Variants in CNTN4 observed in about 807,000 individuals in gnomAD.
CNTN4 encodes contactin 4.
CNTN4 carries 77 observed loss-of-function variants against 122.5 expected under a neutral mutation model. The observed-to-expected ratio is 0.63, with a 90% CI of 0.52 to 0.76. The LOEUF (loss-of-function observed/expected upper bound fraction) is 0.76. Among genes scored for constraint, CNTN4 ranks in the 30% least tolerant of loss-of-function variants. The probability of loss-of-function intolerance (pLI) is 0.00; values close to 1 mark genes in which losing one functional copy is unlikely to be tolerated. For missense variants in CNTN4, 1,256 were observed against 1,259.1 expected (o/e 1.00, Z 0.04); for synonymous variants, 512 against 447.0 (o/e 1.15, Z -1.83).
In CNTN4 at chr3:2,826,509, A is replaced by T. The variant is rs1399477992; in HGVS notation, c.454+6928A>T. ...ATGCTGTATTTACTGTAGGACAGAG[A>T]TAAAAGCGTGAAAGTAGGACATCTG... On this transcript the variant is annotated intron_variant, in intron 7 of 24. Transcript: ENST00000418658. 2.6e-5 allele frequency among the ~76,000 whole-genome samples: 4 copies of T among 152,228 alleles called. No individual in the cohort carries two copies. The East Asian group carries it at 5.8e-4, about 22-fold the overall frequency.
Position 2,331,498 on chromosome 3 carries a change from A to G in CNTN4, c.-144-7680A>G, listed in dbSNP as rs556568119. On this transcript the variant is annotated intron_variant, in intron 2 of 24. Transcript: ENST00000418658. ...GATTATGACAACCAAAAATGTCTTC[A>G]GACTTTGCCAACAAATTACCTTTAG... Among the ~76,000 whole-genome samples the G allele has an allele frequency of 2.6e-5, 4 of 152,306 alleles. No homozygotes were observed. In the South Asian group the frequency reaches 8.3e-4, roughly 32 times the overall value.
chr3:2,502,150 T>A (rs1295179613), intron 3 of CNTN4, among the ~76,000 whole-genome samples: 1 of 152,160 alleles, frequency 6.6e-6, no homozygotes, highest in East Asian at 1.9e-4. Context: ...ACTCAATGTA[T>A]AATATATTCA....
chr3:2,387,183 G>A (rs936423199), intron 3 of CNTN4, among the ~76,000 whole-genome samples: 1 of 152,184 alleles, frequency 6.6e-6, no homozygotes, highest in Admixed American at 6.5e-5. Context: ...ATGAAATATT[G>A]AAAAATATCT....
chr3:2,589,228 C>T (rs983720626), intron 4 of CNTN4, among the ~76,000 whole-genome samples: 3 of 152,082 alleles, frequency 2.0e-5, no homozygotes, highest in Admixed American at 1.3e-4. Flanking sequence ...TGAGTAGTTG[C>T]GGCATTAGTA....
At chr3:3,042,572 T>C (rs1700260353) in intron 21 of CNTN4, 150 bp downstream of exon 21, 2 of 686,494 alleles carry the variant, frequency 2.9e-6, no homozygotes, top group Admixed American at 2.1e-5. Context: ...AATGGAAGCA[T>C]TGAATACTCA....
At chr3:2,619,937 G>A (rs1293379504) in intron 4 of CNTN4, among the ~76,000 whole-genome samples, 3 of 152,150 alleles carry the variant, frequency 2.0e-5, no homozygotes, top group African/African-American at 7.2e-5. Flanking sequence ...TTCTAAGATA[G>A]GGGCTATGCT....
chr3:3,011,795 G>A (rs530558775), intron 14 of CNTN4, among the ~76,000 whole-genome samples: 8 of 151,670 alleles, frequency 5.3e-5, no homozygotes, highest in East Asian at 1.9e-4. Flanking sequence ...TCCTCTCCCC[G>A]CCCCAGTCTC....
intron 2 of CNTN4, among the ~76,000 whole-genome samples, chr3:2,114,817 C>A (rs1315156030): frequency 6.6e-6 from 1 of 152,196 alleles, no homozygotes; most frequent in East Asian, 1.9e-4. Context: ...GATCTGCTGA[C>A]CAATATATTT....
At chr3:2,433,687 T>G (rs1447202725) in intron 3 of CNTN4, among the ~76,000 whole-genome samples, 1 of 152,216 alleles carries the variant, frequency 6.6e-6, no homozygotes, top group African/African-American at 2.4e-5. Context: ...ATCTAAGAAA[T>G]CTTTGCCCAG....
chr3:2,294,019 G>T (rs1363107504), intron 2 of CNTN4, among the ~76,000 whole-genome samples: 1 of 152,188 alleles, frequency 6.6e-6, no homozygotes, highest in Non-Finnish European at 1.5e-5. Context: ...AGTTGCTTCA[G>T]TTAGTGGAAG....
At chr3:2,926,802 A>G (rs746972813) in intron 13 of CNTN4, among the ~76,000 whole-genome samples, 39 of 152,050 alleles carry the variant, frequency 2.6e-4, no homozygotes, top group Non-Finnish European at 1.0e-4. Context: ...CTTGCTATGG[A>G]CTAAGGAGTA....
Position 2,873,636 on chromosome 3 carries a change from G to C in CNTN4, c.652+6687G>C, listed in dbSNP as rs576098604. Among the ~76,000 whole-genome samples the C allele has an allele frequency of 2.0e-5, 3 of 152,262 alleles. No individual in the cohort carries two copies. In the East Asian group the frequency reaches 5.8e-4, roughly 29 times the overall value. The stretch of plus-strand genomic sequence containing the variant: ...GGTCACTGTAAACTTTCCTAATACT[G>C]CTCCATGCTACATTAGATCCTCAAC... On this transcript the variant is annotated intron_variant, in intron 8 of 24. Transcript: ENST00000418658.
At chr3:2,688,392 C>T (rs1444912346) in intron 4 of CNTN4, among the ~76,000 whole-genome samples, 5 of 152,174 alleles carry the variant, frequency 3.3e-5, no homozygotes, top group African/African-American at 7.2e-5. Flanking sequence ...ATGCCAGGCT[C>T]GGCACCAGCC....
intron 2 of CNTN4, among the ~76,000 whole-genome samples, chr3:2,125,409 A>G (rs897278737): frequency 2.0e-5 from 3 of 150,302 alleles, no homozygotes; most frequent in Non-Finnish European, 4.4e-5. Flanking sequence ...ATAGATATTT[A>G]GGTTGTTTCC....
chr3:2,469,633 G>A (rs2075616369), intron 3 of CNTN4, among the ~76,000 whole-genome samples: 1 of 152,186 alleles, frequency 6.6e-6, no homozygotes, highest in African/African-American at 2.4e-5. Flanking sequence ...GCAATCTGCT[G>A]TTTGGAGGGA....
At chr3:2,317,465 G>A (rs1143977) in intron 2 of CNTN4, among the ~76,000 whole-genome samples, 50,231 of 151,972 alleles carry the variant, frequency 0.33, 8,444 homozygotes, top group Admixed American at 0.39. Context: ...TGAGTTCTAA[G>A]CAAAATTGTG....
chr3:2,194,003 T>G (rs1390677853), intron 2 of CNTN4, among the ~76,000 whole-genome samples: 1 of 152,160 alleles, frequency 6.6e-6, no homozygotes, highest in African/African-American at 2.4e-5. Flanking sequence ...CACATCCTTG[T>G]GAAGTGATGT....
intron 14 of CNTN4, among the ~76,000 whole-genome samples, chr3:3,013,809 G>A (rs370771308): frequency 1.1e-4 from 17 of 152,026 alleles, no homozygotes; most frequent in African/African-American, 3.9e-4. Flanking sequence ...TGGTTTATTC[G>A]ATGCTGCAGC....
intron 4 of CNTN4, among the ~76,000 whole-genome samples, chr3:2,623,158 T>A (rs2082054320): frequency 6.6e-6 from 1 of 152,186 alleles, no homozygotes; most frequent in Non-Finnish European, 1.5e-5. Context: ...TCTTCACGTT[T>A]TTCAAAAGTG....
Sources: gnomAD v4.1 joint callset for allele counts (sites outside exome capture counted in the v4.1 genomes callset) on GRCh38, gnomAD v4.1.1 for gene constraint, MANE v1.5 for transcripts, NCBI Gene and HGNC (gene_info 2026-07-23, HGNC 2026-07-21) for gene names.